Variants in LIN7A observed in about 807,000 individuals in gnomAD.
LIN7A encodes protein lin-7 homolog A.
LIN7A carries 25 observed loss-of-function variants against 29.8 expected under a neutral mutation model. The ratio of observed to expected loss-of-function variants is 0.84; its 90% CI spans 0.61 to 1.17. The LOEUF is 1.17. Among genes scored for constraint, LIN7A ranks in the 50% most tolerant of loss-of-function variants. LIN7A has a pLI of 0.00. For missense variants in LIN7A, 239 were observed against 287.0 expected, an observed-to-expected ratio of 0.83 and a Z score of 1.21; for synonymous variants, 118 against 107.5, an observed-to-expected ratio of 1.10 and a Z score of -0.60.
At chr12:80,860,465 A>G (rs1873808282) in intron 2 of LIN7A, among the ~76,000 whole-genome samples, 1 of 152,226 alleles carries the variant, frequency 6.6e-6, no homozygotes, top group Admixed American at 6.5e-5. Flanking sequence ...ATAGTGCTTC[A>G]AGCAACAGAG....
At chr12:80,927,281 C>T (rs1418206139) in intron 1 of LIN7A, among the ~76,000 whole-genome samples, 1 of 150,784 alleles carries the variant, frequency 6.6e-6, no homozygotes, top group African/African-American at 2.4e-5. Flanking sequence ...CCTGCCTCAG[C>T]CTCCCGAGTA....
chr12:80,896,872 A>C (rs968317306), intron 1 of LIN7A, among the ~76,000 whole-genome samples: 6 of 152,202 alleles, frequency 3.9e-5, no homozygotes, highest in Non-Finnish European at 8.8e-5. Flanking sequence ...ATGATACAAA[A>C]TGAAAAACTA....
chr12:80,883,467 T>C (rs1308726486), intron 2 of LIN7A, among the ~76,000 whole-genome samples: 1 of 152,178 alleles, frequency 6.6e-6, no homozygotes, highest in Non-Finnish European at 1.5e-5. Flanking sequence ...TTATTGATGG[T>C]GGGATAATGA....
intron 1 of LIN7A, among the ~76,000 whole-genome samples, chr12:80,927,211 G>A (rs1227851759): frequency 1.5e-5 from 2 of 136,738 alleles, no homozygotes; most frequent in African/African-American, 5.5e-5. Context: ...GCCCAGGCTG[G>A]AGTGCAGTGG....
At chr12:80,809,787 T>C (rs1871202120) in intron 5 of LIN7A, among the ~76,000 whole-genome samples, 1 of 152,360 alleles carries the variant, frequency 6.6e-6, no homozygotes, top group South Asian at 2.1e-4. Flanking sequence ...TGATTTAGTG[T>C]TCTTTGTTAC....
chr12:80,917,642 CTAT>C (rs982035285), intron 1 of LIN7A, among the ~76,000 whole-genome samples: 7 of 151,836 alleles, frequency 4.6e-5, no homozygotes, highest in East Asian at 3.9e-4. Context: ...TCAAATTTAC[CTAT>C]TATTATTTCA....
At chr12:80,876,050 T>TAC (rs1874675017) in intron 2 of LIN7A, among the ~76,000 whole-genome samples, 1 of 40,322 alleles carries the variant, frequency 2.5e-5, no homozygotes, top group South Asian at 1.8e-3. Flanking sequence ...TTATTATTTT[T>TAC]ATACACACAC....
intron 4 of LIN7A, among the ~76,000 whole-genome samples, chr12:80,841,007 C>T (rs1196973354): frequency 2.0e-5 from 3 of 152,182 alleles, no homozygotes; most frequent in African/African-American, 7.2e-5. Flanking sequence ...ATGACTTTTA[C>T]ACACTGGTCT....
At chr12:80,853,853 A>G (rs1298000679) in intron 2 of LIN7A, among the ~76,000 whole-genome samples, 1 of 152,046 alleles carries the variant, frequency 6.6e-6, no homozygotes, top group African/African-American at 2.4e-5. Context: ...CACCATGCCC[A>G]GCTAATTTTT....
intron 1 of LIN7A, among the ~76,000 whole-genome samples, chr12:80,891,503 C>A (rs994478177): frequency 6.6e-6 from 1 of 152,174 alleles, no homozygotes; most frequent in African/African-American, 2.4e-5. Context: ...CATGTCATCA[C>A]CTGTTCCTGA....
chr12:80,899,362 G>A (rs1876076403), intron 1 of LIN7A, among the ~76,000 whole-genome samples: 1 of 152,164 alleles, frequency 6.6e-6, no homozygotes, highest in Admixed American at 6.5e-5. Flanking sequence ...ACTTTTTGAT[G>A]TGATGCTGGA....
chr12:80,910,711 A>C (rs1165140211), intron 1 of LIN7A, among the ~76,000 whole-genome samples: 1 of 151,894 alleles, frequency 6.6e-6, no homozygotes, highest in African/African-American at 2.4e-5. Flanking sequence ...CTTGGAATAA[A>C]CTCCACTTGA....
At chr12:80,827,308 AC>A (rs1272925940) in intron 4 of LIN7A, among the ~76,000 whole-genome samples, 2 of 152,004 alleles carry the variant, frequency 1.3e-5, no homozygotes, top group African/African-American at 4.8e-5. Context: ...AATGGCGTGA[AC>A]CCGGGAGGCG....
rs562749397 is a variant in LIN7A, at chr12:80,935,635, G to A, written c.82+2006C>T. 76 of 211,412 alleles carry A rather than the reference G, an allele frequency of 3.6e-4. 2 individuals carry two copies. Among genetic ancestry groups the A allele is most frequent in the South Asian group, 3.0e-3 (47 of 15,460 alleles). The allele number at this position is 211,412 out of a possible 1,614,324, so 13.1% of individuals were successfully genotyped here. Reference sequence around the variant, plus strand: ...AATTAATCATATTTGAATAAGATACGGAGAACAATATTTATATATATTGAC... The same window carrying A: ...AATTAATCATATTTGAATAAGATACAGAGAACAATATTTATATATATTGAC... On this transcript the variant is annotated intron_variant, in intron 1 of 5. Transcript: ENST00000552864.
rs112927125 is a variant in LIN7A, at chr12:80,862,660, T to C, written c.202-14338A>G. Reference sequence around the variant, plus strand: ...ACTTCGTGTACTGACAAACAGTAGATAGCACTTCAGCACTATGATGAGGGG... The same window carrying C: ...ACTTCGTGTACTGACAAACAGTAGACAGCACTTCAGCACTATGATGAGGGG... On this transcript the variant is annotated intron_variant, in intron 2 of 5. Transcript: ENST00000552864. Among the ~76,000 whole-genome samples, 1,264 of 152,268 alleles carry C rather than the reference T, an allele frequency of 8.3e-3. 21 individuals are homozygous for C. Among genetic ancestry groups the C allele is most frequent in the African/African-American group, 0.028 (1,175 of 41,556 alleles).
At chr12:80,837,142 C>T (rs1350643616) in intron 4 of LIN7A, among the ~76,000 whole-genome samples, 4 of 152,126 alleles carry the variant, frequency 2.6e-5, no homozygotes, top group Admixed American at 1.3e-4. Flanking sequence ...AGAAAACCAA[C>T]GTGCCCATGC....
chr12:80,831,591 A>G (rs1480067551), intron 4 of LIN7A, among the ~76,000 whole-genome samples: 2 of 152,228 alleles, frequency 1.3e-5, no homozygotes, highest in Middle Eastern at 3.2e-3. Flanking sequence ...AACACTGCCA[A>G]TATATGCAAA....
In LIN7A at chr12:80,810,669, G is replaced by GT. The variant is rs544112379; in HGVS notation, c.*795dup. 1.9e-3 allele frequency among the ~76,000 whole-genome samples: 287 copies of GT among 152,284 alleles called. 3 individuals are homozygous for GT. Among genetic ancestry groups the GT allele is most frequent in the African/African-American group, 6.4e-3 (268 of 41,556 alleles). On this transcript the variant is annotated intron_variant, in intron 5 of 5. Coordinates refer to ENST00000552864, the MANE Select transcript of LIN7A (RefSeq NM_004664.4). ...AACTTTTTTGAGGAACCTCCATATT[G>GT]TCTGTCAAATTGGCTGTAGCAATTT...
At chr12:80,800,797 GAAAA>G (rs908247487) in intron 5 of LIN7A, among the ~76,000 whole-genome samples, 15 of 149,546 alleles carry the variant, frequency 1.0e-4, no homozygotes, top group African/African-American at 3.4e-4. Flanking sequence ...GACACTAGAA[GAAAA>G]AAAAACCAAC....
Sources: gnomAD v4.1 joint callset for allele counts (sites outside exome capture counted in the v4.1 genomes callset) on GRCh38, gnomAD v4.1.1 for gene constraint, MANE v1.5 for transcripts, NCBI Gene and HGNC (gene_info 2026-07-23, HGNC 2026-07-21) for gene names.